CLSTN2: variants seen among roughly 807,000 people sequenced by gnomAD.
CLSTN2 encodes calsyntenin 2, also known as calsyntenin-2.
Under a neutral mutation model 101.2 loss-of-function variants are expected in CLSTN2, and 48 were observed. The observed-to-expected ratio is 0.47, with a 90% CI of 0.38 to 0.60. The LOEUF (loss-of-function observed/expected upper bound fraction) is 0.60, where lower values mean the gene tolerates loss of function less well. Among genes scored for constraint, CLSTN2 ranks in the 20% least tolerant of loss-of-function variants. The pLI is 0.00. For missense variants in CLSTN2, 1,160 were observed against 1,238.2 expected (o/e 0.94, Z 0.95); for synonymous variants, 481 against 463.6 (o/e 1.04, Z -0.48).
At chr3:140,560,978 A>C (rs1935901318) in intron 12 of CLSTN2, among the ~76,000 whole-genome samples, 1 of 151,822 alleles carries the variant, frequency 6.6e-6, no homozygotes, top group Non-Finnish European at 1.5e-5. Flanking sequence ...TAAGATAAAG[A>C]AATTATTTAT....
intron 10 of CLSTN2, among the ~76,000 whole-genome samples, chr3:140,553,323 C>T (rs983509879): frequency 6.6e-6 from 1 of 152,044 alleles, no homozygotes; most frequent in African/African-American, 2.4e-5. Context: ...GTGCTAGAAA[C>T]TTTATATATA....
intron 2 of CLSTN2, among the ~76,000 whole-genome samples, chr3:140,359,141 GAAA>G (rs74431387): frequency 2.3e-5 from 3 of 130,162 alleles, no homozygotes; most frequent in Admixed American, 7.8e-5. Flanking sequence ...GGCATTTGTA[GAAA>G]AAAAAAAAAA....
At chr3:140,538,824 C>T (rs939171603) in intron 9 of CLSTN2, among the ~76,000 whole-genome samples, 5 of 152,172 alleles carry the variant, frequency 3.3e-5, no homozygotes, top group Admixed American at 3.3e-4. Context: ...CTACAGGATA[C>T]CCTTTCACAA....
chr3:140,205,620 C>CCCCA (rs1553721847), intron 2 of CLSTN2, among the ~76,000 whole-genome samples: 1 of 94,440 alleles, frequency 1.1e-5, no homozygotes, highest in South Asian at 4.7e-4. Context: ...CCTGACCCGC[C>CCCCA]CCCCACCCAC....
At chr3:140,426,609 G>A (rs1032356660) in intron 5 of CLSTN2, among the ~76,000 whole-genome samples, 3 of 152,122 alleles carry the variant, frequency 2.0e-5, no homozygotes, top group African/African-American at 2.4e-5. Flanking sequence ...AGGAGATGAC[G>A]TACAAAAGCT....
intron 2 of CLSTN2, among the ~76,000 whole-genome samples, chr3:140,306,519 A>G (rs1258440346): frequency 6.6e-6 from 1 of 152,214 alleles, no homozygotes; most frequent in East Asian, 1.9e-4. Flanking sequence ...TGGAAGTCAA[A>G]GGCAGACTGA....
intron 10 of CLSTN2, among the ~76,000 whole-genome samples, chr3:140,555,598 T>A (rs1333201650): frequency 6.6e-6 from 1 of 152,182 alleles, no homozygotes; most frequent in Non-Finnish European, 1.5e-5. Flanking sequence ...TTAAAAAAAA[T>A]CTATGTCTCC....
chr3:140,563,256 A>C, intron 15 of CLSTN2, 53 bp downstream of exon 15: 3 of 1,584,138 alleles, frequency 1.9e-6, no homozygotes, highest in Non-Finnish European at 2.6e-6. Context: ...ATTGTGACTC[A>C]AGATTATCTA....
chr3:140,010,096 C>G (rs1417967931), intron 1 of CLSTN2, among the ~76,000 whole-genome samples: 1 of 152,200 alleles, frequency 6.6e-6, no homozygotes, highest in African/African-American at 2.4e-5. Context: ...ACACAAGGAT[C>G]CTGTATCTTT....
intron 8 of CLSTN2, among the ~76,000 whole-genome samples, chr3:140,531,495 C>T (rs1275394584): frequency 1.3e-5 from 2 of 152,160 alleles, no homozygotes; most frequent in Middle Eastern, 3.2e-3. Flanking sequence ...TCCTCTGCCA[C>T]AGATGGCAGA....
chr3:140,412,258 G>A (rs969467295), intron 4 of CLSTN2, among the ~76,000 whole-genome samples: 5 of 152,076 alleles, frequency 3.3e-5, no homozygotes, highest in Admixed American at 6.6e-5. Flanking sequence ...CAGGTGATCC[G>A]CCCACCTCAA....
chr3:140,202,088 G>A (rs566437773), intron 2 of CLSTN2, among the ~76,000 whole-genome samples: 6 of 152,232 alleles, frequency 3.9e-5, no homozygotes, highest in Non-Finnish European at 5.9e-5. Flanking sequence ...AGAGGTGGGC[G>A]GATCAAGCAG....
intron 2 of CLSTN2, among the ~76,000 whole-genome samples, chr3:140,230,837 C>T (rs529600468): frequency 3.9e-5 from 6 of 152,274 alleles, no homozygotes; most frequent in Middle Eastern, 6.8e-3. Flanking sequence ...AGCTGGTATC[C>T]GTGCAGGGAA....
intron 2 of CLSTN2, among the ~76,000 whole-genome samples, chr3:140,313,315 T>C (rs141876337): frequency 6.6e-6 from 1 of 152,278 alleles, no homozygotes; most frequent in African/African-American, 2.4e-5. Flanking sequence ...AAACTGAGAC[T>C]CAGAGCTTTC....
At chr3:140,049,817 G>A (rs2007956469) in intron 1 of CLSTN2, among the ~76,000 whole-genome samples, 1 of 152,202 alleles carries the variant, frequency 6.6e-6, no homozygotes, top group South Asian at 2.1e-4. Context: ...CCCTTAGCTA[G>A]CATATCTCCT....
At chr3:139,999,564 G>T (rs2006773721) in intron 1 of CLSTN2, among the ~76,000 whole-genome samples, 1 of 152,076 alleles carries the variant, frequency 6.6e-6, no homozygotes, top group Non-Finnish European at 1.5e-5. Context: ...TCAGAGAGGG[G>T]CAGCTCTTCT....
At chr3:140,011,331 A>G (rs531177706) in intron 1 of CLSTN2, among the ~76,000 whole-genome samples, 186 of 152,302 alleles carry the variant, frequency 1.2e-3, no homozygotes, top group African/African-American at 4.5e-3. Flanking sequence ...AAGTGGTCTC[A>G]GCAGAGCCGA....
intron 1 of CLSTN2, among the ~76,000 whole-genome samples, chr3:140,151,189 C>A (rs908925169): frequency 2.0e-5 from 3 of 152,084 alleles, no homozygotes; most frequent in Admixed American, 6.5e-5. Context: ...CAAATATAAA[C>A]AGCTTCAGGA....
intron 2 of CLSTN2, among the ~76,000 whole-genome samples, chr3:140,362,243 G>C (rs2087737337): frequency 6.6e-6 from 1 of 152,138 alleles, no homozygotes; most frequent in East Asian, 1.9e-4. Context: ...AATAGTGCTA[G>C]TATAATATAT....
Sources: gnomAD v4.1 joint callset for allele counts (sites outside exome capture counted in the v4.1 genomes callset) on GRCh38, gnomAD v4.1.1 for gene constraint, MANE v1.5 for transcripts, NCBI Gene and HGNC (gene_info 2026-07-23, HGNC 2026-07-21) for gene names.